The following MYCBP2 variants were observed in gnomAD, a reference collection of about 807,000 sequenced individuals.
MYCBP2 encodes the protein E3 ubiquitin-protein ligase MYCBP2.
In MYCBP2, 120 loss-of-function variants were observed where a neutral mutation model predicts 525.3. The observed-to-expected ratio is 0.23, with a 90% CI of 0.20 to 0.27. The LOEUF is 0.27. MYCBP2 is among the 10% of genes least tolerant of loss of function. The pLI is 1.00. For missense variants in MYCBP2, 4,149 were observed against 5,657.1 expected, an observed-to-expected ratio of 0.73 and a Z score of 8.55; for synonymous variants, 1,894 against 1,955.8, an observed-to-expected ratio of 0.97 and a Z score of 0.83.
At chr13:77,100,219 AGAT>A (rs2046859765) in intron 55 of MYCBP2, 1 of 152,136 alleles carries the variant, frequency 6.6e-6, no homozygotes, top group Non-Finnish European at 1.5e-5. Flanking sequence ...GAACAAATTC[AGAT>A]GATGTAGGAA....
At chr13:77,217,520 G>T (rs2064993698) in intron 21 of MYCBP2, among the ~76,000 whole-genome samples, 1 of 152,162 alleles carries the variant, frequency 6.6e-6, no homozygotes, top group South Asian at 2.1e-4. Flanking sequence ...ATCTCTACAA[G>T]TTAGATGAGA....
At chr13:77,100,195 A>G (rs1199324928) in intron 55 of MYCBP2, 1 of 152,146 alleles carries the variant, frequency 6.6e-6, no homozygotes, top group Non-Finnish European at 1.5e-5. Flanking sequence ...ATTTTTTAAA[A>G]GAAAAAAGGA....
intron 26 of MYCBP2, among the ~76,000 whole-genome samples, chr13:77,198,909 G>A (rs1212605726): frequency 1.3e-5 from 2 of 152,222 alleles, no homozygotes; most frequent in East Asian, 3.8e-4. Context: ...TCCACAGAAA[G>A]GACTGAGATA....
chr13:77,073,038 T>C (rs145900781), intron 68 of MYCBP2, among the ~76,000 whole-genome samples: 7 of 152,296 alleles, frequency 4.6e-5, no homozygotes, highest in Admixed American at 6.5e-5. Context: ...GTTTAAAGCA[T>C]AGAATTCAAT....
At chr13:77,124,579 T>C (rs1293308576) in intron 54 of MYCBP2, among the ~76,000 whole-genome samples, 2 of 152,150 alleles carry the variant, frequency 1.3e-5, no homozygotes, top group African/African-American at 2.4e-5. Flanking sequence ...GTTTCAGTAC[T>C]AGGAATGGAA....
rs1025926005 is a variant in MYCBP2 at position 77,199,685 on chromosome 13, C to G, written c.3844-5441G>C. On this transcript the variant is annotated intron_variant, in intron 26 of 82. Transcript: ENST00000544440. ...GAGCAGTGGTTCTCCCAGCACACAG[C>G]TGGAGATCTGAGAAAGGGCAGACTG... Among the ~76,000 whole-genome samples the G allele has an allele frequency of 5.3e-5, 8 of 152,350 alleles. No individual in the cohort carries two copies. In the East Asian group the frequency reaches 1.3e-3, roughly 26 times the overall value.
chr13:77,320,659 C>G (rs1287432274), intron 1 of MYCBP2, among the ~76,000 whole-genome samples: 1 of 152,000 alleles, frequency 6.6e-6, no homozygotes, highest in Non-Finnish European at 1.5e-5. Context: ...GAGATGAAAT[C>G]TAGTAGGTAC....
intron 8 of MYCBP2, among the ~76,000 whole-genome samples, chr13:77,265,284 C>T (rs1349056401): frequency 6.6e-6 from 1 of 152,056 alleles, no homozygotes; most frequent in Non-Finnish European, 1.5e-5. Context: ...AGATGCTTCT[C>T]AAGCTCTAAG....
Position 77,278,993 on chromosome 13 carries a change from CT to C in MYCBP2, c.595-83del, listed in dbSNP as rs1206805415. On this transcript the variant is annotated intron_variant, in intron 3 of 82. Transcript: ENST00000544440. ...TAAGCAGTTTAGTTGGTACAAGTTA[CT>C]TCCACAGCAAATGATAATGTATATG... 7.6e-6 allele frequency: 7 copies of C among 923,398 alleles called. No individual in the cohort carries two copies. The Admixed American group carries it at 2.0e-4, about 26-fold the overall frequency. The allele number at this position is 923,398 out of a possible 1,614,324, so 57.2% of individuals were successfully genotyped here. A position where few individuals can be genotyped will look rare whatever the true frequency, so the allele number is the denominator to read the frequency against.
intron 7 of MYCBP2, 144 bp from the exon 8 acceptor site, chr13:77,268,081 T>A (rs982968315): frequency 1.4e-5 from 8 of 587,342 alleles, no homozygotes; most frequent in Non-Finnish European, 2.4e-5. Flanking sequence ...ATTAAAAATA[T>A]AAGAACATTC....
At chr13:77,222,635 C>G (rs75339559) in intron 20 of MYCBP2, among the ~76,000 whole-genome samples, 4,487 of 152,230 alleles carry the variant, frequency 0.029, 94 homozygotes, top group East Asian at 0.052. Context: ...GACCACTCCC[C>G]ACCCCTGTCC....
In MYCBP2 at chr13:77,131,504, A is replaced by AC. The variant is rs1566645041; in HGVS notation, c.7660-4963dup. On this transcript the variant is annotated intron_variant, in intron 52 of 82. Coordinates refer to ENST00000544440, the MANE Select transcript of MYCBP2 (RefSeq NM_015057.5). Reference sequence around the variant, plus strand: ...TCATCTCAAACACACACACACACACACACACACAAACAAACACACACACAC... The same window carrying AC: ...TCATCTCAAACACACACACACACACACCACACACAAACAAACACACACACAC... Among the ~76,000 whole-genome samples, 4 of 85,312 alleles carry AC rather than the reference A, an allele frequency of 4.7e-5. No homozygotes were observed. The South Asian group carries it at 2.4e-3, about 51-fold the overall frequency. The allele number at this position is 85,312 out of a possible 152,430, so 56.0% of individuals were successfully genotyped here.
At chr13:77,084,538 T>C (rs1427465496) in intron 62 of MYCBP2, among the ~76,000 whole-genome samples, 1 of 152,158 alleles carries the variant, frequency 6.6e-6, no homozygotes, top group Non-Finnish European at 1.5e-5. Context: ...CATTCGACTT[T>C]GTTAGACTGG....
intron 38 of MYCBP2, 148 bp from the exon 39 acceptor site, chr13:77,169,862 T>TTA: frequency 1.5e-6 from 1 of 679,342 alleles, no homozygotes; most frequent in Non-Finnish European, 2.6e-6. Context: ...CTGGTACTAT[T>TTA]CTAAAGGCTT....
rs973365039 is a variant in MYCBP2, at chr13:77,157,985, T to A, written c.6722A>T (p.Asp2241Val). The change falls in exon 45 of 83, where the codon GAT (aspartate) becomes GTT (valine). Residue 2241 changes from aspartate to valine, a missense_variant. Asp to Val is a radical substitution (Grantham distance 152, BLOSUM62 -3). Coordinates refer to ENST00000544440, the MANE Select transcript of MYCBP2 (RefSeq NM_015057.5). The stretch of plus-strand genomic sequence containing the variant: ...TCCTGGGACACAGGCAATAAAATCA[T>A]CCAGAAAAGACTGTTCATTGCTTTG... Reference protein sequence around the residue: ...QIQSNEQSFLDDFIACVPGSS... With the variant: ...QIQSNEQSFLVDFIACVPGSS... 1 of 1,613,568 alleles carries A rather than the reference T, an allele frequency of 6.2e-7. No individual in the cohort carries two copies. Among genetic ancestry groups the A allele is most frequent in the Non-Finnish European group, 8.5e-7 (1 of 1,179,826 alleles).
chr13:77,174,564 A>C (rs529880108), intron 36 of MYCBP2, 75 bp from the exon 37 acceptor site: 946 of 1,064,394 alleles, frequency 8.9e-4, no homozygotes, highest in Non-Finnish European at 1.2e-3. Flanking sequence ...TAGCAGTAAA[A>C]TAGGCAAATA....
intron 3 of MYCBP2, among the ~76,000 whole-genome samples, chr13:77,283,047 C>T (rs1409562422): frequency 6.6e-6 from 1 of 151,944 alleles, no homozygotes; most frequent in East Asian, 1.9e-4. Flanking sequence ...CCTTACTAAC[C>T]GGAGTACAAA....
chr13:77,108,267 A>T (rs1267244529), intron 55 of MYCBP2, among the ~76,000 whole-genome samples: 2 of 152,206 alleles, frequency 1.3e-5, no homozygotes, highest in Non-Finnish European at 2.9e-5. Context: ...ATAGCATATT[A>T]TTGAATATAT....
chr13:77,142,870 G>C (rs908536695), intron 49 of MYCBP2, among the ~76,000 whole-genome samples: 2 of 152,184 alleles, frequency 1.3e-5, no homozygotes, highest in Admixed American at 6.5e-5. Flanking sequence ...TGCTCAACTG[G>C]TAACTGTAAT....
Sources: gnomAD v4.1 joint callset for allele counts (sites outside exome capture counted in the v4.1 genomes callset) on GRCh38, gnomAD v4.1.1 for gene constraint, MANE v1.5 for transcripts, NCBI Gene and HGNC (gene_info 2026-07-23, HGNC 2026-07-21) for gene names.